Variants in ME3 observed in about 807,000 individuals in gnomAD.
ME3 encodes NADP-dependent malic enzyme, mitochondrial.
In ME3, 48 loss-of-function variants were observed where a neutral mutation model predicts 68.9. That is an observed-to-expected ratio of 0.70 (90% CI 0.55 to 0.89). The LOEUF is 0.89. Ranked by LOEUF, ME3 falls within the 40% of genes least tolerant of loss-of-function variation. The pLI, the probability that ME3 is intolerant of heterozygous loss-of-function variation, is 0.00. For synonymous variants in ME3, 320 were observed against 318.8 expected, an observed-to-expected ratio of 1.00 and a Z score of -0.04; for missense variants, 675 against 797.4, an observed-to-expected ratio of 0.85 and a Z score of 1.85.
intron 8 of ME3, 70 bp downstream of exon 8, chr11:86,465,021 T>C: frequency 2.3e-6 from 3 of 1,277,614 alleles, no homozygotes; most frequent in Non-Finnish European, 3.4e-6. Context: ...CCTCACCCCT[T>C]TGGCATCCCA....
rs1957027443 is a variant in ME3 at position 86,558,204 on chromosome 11, A to C, written c.317+1486T>G. Among the ~76,000 whole-genome samples, 4 of 152,316 alleles carry C rather than the reference A, an allele frequency of 2.6e-5. No homozygotes were observed. The South Asian group carries it at 8.3e-4, about 32-fold the overall frequency. On this transcript the variant is annotated intron_variant, in intron 3 of 14. Transcript: ENST00000543262. ...ACTTTTAGAGCTTAATATCTGTAGG[A>C]AAGAGGATTTCACTTTGGACTTGAT...
chr11:86,602,856 TC>T (rs1396501359), intron 2 of ME3, among the ~76,000 whole-genome samples: 1 of 152,144 alleles, frequency 6.6e-6, no homozygotes, highest in Admixed American at 6.5e-5. Context: ...GGGAAAGGAT[TC>T]CCTATTTAAT....
intron 2 of ME3, among the ~76,000 whole-genome samples, chr11:86,582,626 G>T (rs1443348927): frequency 6.6e-6 from 1 of 152,120 alleles, no homozygotes; most frequent in Non-Finnish European, 1.5e-5. Context: ...TAAATGAGCA[G>T]CAATGACAAG....
At position 86,594,111 on chromosome 11, in the gene ME3, C is replaced by T. The variant is rs867310587; in HGVS notation, c.184-34288G>A. Among the ~76,000 whole-genome samples the T allele has an allele frequency of 4.8e-5, 7 of 146,756 alleles. No homozygotes were observed. The South Asian group carries it at 8.9e-4, about 19-fold the overall frequency. ...AAAACAGACAAGATATCCCTGCCTT[C>T]ATGAAACTTACATTCTAGAGATATC... On this transcript the variant is annotated intron_variant, in intron 2 of 14. Coordinates refer to ENST00000543262, the Ensembl canonical transcript of ME3.
At chr11:86,593,762 CT>C (rs1400747399) in intron 2 of ME3, among the ~76,000 whole-genome samples, 1 of 145,942 alleles carries the variant, frequency 6.9e-6, no homozygotes, top group Non-Finnish European at 1.5e-5. Flanking sequence ...ATTTTTTAGT[CT>C]TTTTTCCCCA....
At chr11:86,457,715 G>A (rs943155954) in intron 8 of ME3, 28 of 1,288,126 alleles carry the variant, frequency 2.2e-5, no homozygotes, top group Non-Finnish European at 2.6e-5. Context: ...AACATGACTT[G>A]TGCCCATAAA....
chr11:86,507,845 C>G (rs760659265), intron 5 of ME3, among the ~76,000 whole-genome samples: 23 of 152,000 alleles, frequency 1.5e-4, no homozygotes, highest in Non-Finnish European at 2.4e-4. Context: ...ATTACCCAGG[C>G]ATAGTGGCCC....
intron 2 of ME3, among the ~76,000 whole-genome samples, chr11:86,581,408 C>T (rs1187945334): frequency 6.6e-6 from 1 of 152,150 alleles, no homozygotes; most frequent in East Asian, 1.9e-4. Context: ...TTACTAGCTG[C>T]ATGGCCTAGG....
chr11:86,551,033 A>G (rs915573039), intron 4 of ME3, among the ~76,000 whole-genome samples: 6 of 151,906 alleles, frequency 3.9e-5, no homozygotes, highest in African/African-American at 1.5e-4. Context: ...GAAGACAAGA[A>G]GGTTCCAATG....
At chr11:86,526,368 G>A (rs1039945360) in intron 4 of ME3, among the ~76,000 whole-genome samples, 15 of 152,166 alleles carry the variant, frequency 9.9e-5, no homozygotes, top group African/African-American at 2.4e-4. Context: ...CAAAGCAGCC[G>A]GGAAGCTCGA....
chr11:86,593,509 A>G lies in ME3; in HGVS notation c.184-33686T>C, dbSNP rs987980591. 7.5e-5 allele frequency among the ~76,000 whole-genome samples: 11 copies of G among 146,626 alleles called. 1 individual carries two copies. Among genetic ancestry groups the G allele is most frequent in the African/African-American group, 2.8e-4 (11 of 39,788 alleles). ...CCAGAACTTCAGCATACAACCAGTA[A>G]GTTGCAGAACTGGATCACAAGCCCG... On this transcript the variant is annotated intron_variant, in intron 2 of 14. Transcript: ENST00000543262.
chr11:86,593,190 C>CTATAAGAAGCAAACTGACA (rs1260644411), intron 2 of ME3, among the ~76,000 whole-genome samples: 2 of 118,412 alleles, frequency 1.7e-5, no homozygotes, highest in East Asian at 4.9e-4. Context: ...TGATTTCCTC[C>CTATAAGAAGCAAACTGACA]ACCCTCCTTC....
exon 1 of ME3, chr11:86,672,464 A>G (rs1473220378): frequency 6.6e-6 from 1 of 152,468 alleles, no homozygotes; most frequent in African/African-American, 2.4e-5. Flanking sequence ...GAGTTCCTCA[A>G]AGAGCGGTCC....
chr11:86,627,831 A>G (rs1213414492), intron 2 of ME3, among the ~76,000 whole-genome samples: 1 of 152,242 alleles, frequency 6.6e-6, no homozygotes, highest in South Asian at 2.1e-4. Flanking sequence ...CAAGAGGCCT[A>G]TGGGCTTGCA....
chr11:86,598,446 G>C (rs1038016594), intron 2 of ME3, among the ~76,000 whole-genome samples: 1 of 152,252 alleles, frequency 6.6e-6, no homozygotes, highest in Non-Finnish European at 1.5e-5. Flanking sequence ...AAGCAGCCAG[G>C]AAGCTCAAAC....
intron 4 of ME3, among the ~76,000 whole-genome samples, chr11:86,540,856 C>T (rs561407276): frequency 3.7e-4 from 56 of 152,216 alleles, no homozygotes; most frequent in African/African-American, 1.3e-3. Flanking sequence ...GCAAGATGGC[C>T]GAATAGGAAC....
intron 4 of ME3, among the ~76,000 whole-genome samples, chr11:86,544,954 A>C (rs948406668): frequency 6.6e-6 from 1 of 152,208 alleles, no homozygotes; most frequent in South Asian, 2.1e-4. Flanking sequence ...ATCCAGCAGC[A>C]CATCAAAAAG....
intron 2 of ME3, among the ~76,000 whole-genome samples, chr11:86,570,868 A>G (rs1405722567): frequency 1.3e-5 from 2 of 152,188 alleles, no homozygotes; most frequent in Non-Finnish European, 2.9e-5. Context: ...CACAGCCAGC[A>G]TGGGGGAGTG....
At chr11:86,610,339 T>A (rs1376390250) in intron 2 of ME3, among the ~76,000 whole-genome samples, 1 of 152,064 alleles carries the variant, frequency 6.6e-6, no homozygotes, top group East Asian at 1.9e-4. Context: ...TATAATAAAG[T>A]GATCTGCAAG....
Sources: allele counts gnomAD v4.1 joint callset (sites outside exome capture counted in the v4.1 genomes callset), GRCh38; gene constraint gnomAD v4.1.1; transcripts MANE v1.5; gene names NCBI Gene and HGNC (gene_info 2026-07-23, HGNC 2026-07-21).